SCN1A: variants seen among roughly 807,000 people sequenced by gnomAD.
SCN1A encodes sodium voltage-gated channel alpha subunit 1, also known as sodium channel protein type 1 subunit alpha.
Under a neutral mutation model 193.7 loss-of-function variants are expected in SCN1A, and 13 were observed. That is an observed-to-expected ratio of 0.07 (90% CI 0.04 to 0.11). The LOEUF is 0.11. Among genes scored for constraint, SCN1A ranks in the 10% least tolerant of loss-of-function variants. The pLI, the probability that SCN1A is intolerant of heterozygous loss-of-function variation, is 1.00. For synonymous variants in SCN1A, 781 were observed against 843.6 expected (o/e 0.93, Z 1.29); for missense variants, 1,432 against 2,451.1 (o/e 0.58, Z 8.78).
intron 2 of SCN1A, among the ~76,000 whole-genome samples, chr2:166,101,495 A>C (rs1214582312): frequency 1.3e-5 from 1 of 77,522 alleles, no homozygotes; most frequent in African/African-American, 4.8e-5. Context: ...TGTACCCTAA[A>C]ACTTAAAGTA....
At chr2:166,026,679 CTTTTTTTTTT>C (rs35750460) in intron 19 of SCN1A, among the ~76,000 whole-genome samples, 1 of 97,712 alleles carries the variant, frequency 1.0e-5, no homozygotes. Context: ...TTCTTTCTTT[CTTTTTTTTTT>C]TTTTTTTTTT....
At chr2:165,995,013 C>T (rs1689824707) in intron 27 of SCN1A, among the ~76,000 whole-genome samples, 1 of 151,742 alleles carries the variant, frequency 6.6e-6, no homozygotes, top group East Asian at 1.9e-4. Flanking sequence ...ATAATGAGAC[C>T]AGAATGACAT....
intron 2 of SCN1A, among the ~76,000 whole-genome samples, chr2:166,093,332 G>A (rs1023446604): frequency 2.0e-5 from 3 of 151,570 alleles, no homozygotes. Context: ...ATTTTCAGTT[G>A]AATTCTTCTT....
rs1688577958 is a variant in SCN1A, at chr2:165,985,851, AT to A, written c.*5393del. ...AGAAACACATTTATTTTCTTATATA[AT>A]AAGAAATTCCAGTGCACACATGAAG... On this transcript the variant is annotated 3_prime_UTR_variant, in exon 29 of 29. Coordinates refer to ENST00000674923, the MANE Select transcript of SCN1A (RefSeq NM_001165963.4). The A allele has an allele frequency of 6.6e-6, 1 of 152,166 alleles. No homozygotes were observed. The highest frequency in any genetic ancestry group is 1.5e-5 in the Non-Finnish European group (1 of 68,006). The allele number at this position is 152,166 out of a possible 1,614,324, so 9.4% of individuals were successfully genotyped here. A position where few individuals can be genotyped will look rare whatever the true frequency, so the allele number is the denominator to read the frequency against.
At chr2:166,062,353 G>A (rs1004518211) in intron 4 of SCN1A, among the ~76,000 whole-genome samples, 29 of 152,100 alleles carry the variant, frequency 1.9e-4, no homozygotes, top group Admixed American at 1.9e-3. Context: ...GTTCCATTTA[G>A]AATGTCAGTC....
chr2:166,118,319 T>TTTTTTTTTTTTTTTTTTTTTTTTC (rs1690132658), intron 2 of SCN1A, among the ~76,000 whole-genome samples: 1 of 133,488 alleles, frequency 7.5e-6, no homozygotes. Flanking sequence ...TTTTTTTTTT[T>TTTTTTTTTTTTTTTTTTTTTTTTC]TTTTTTTTTT....
intron 2 of SCN1A, chr2:166,123,563 A>G (rs1690877897): frequency 6.6e-6 from 1 of 152,232 alleles, no homozygotes; most frequent in Non-Finnish European, 1.5e-5. Flanking sequence ...ACTGACTGTG[A>G]ACAATCAACT....
At chr2:166,009,957 G>GA in intron 22 of SCN1A, 116 bp from the exon 23 acceptor site, 1 of 946,732 alleles carries the variant, frequency 1.1e-6, no homozygotes. Context: ...TAAATGTTCA[G>GA]ACATTTTCAG....
In SCN1A at chr2:165,987,311, G is replaced by A. The variant is rs1029085347; in HGVS notation, c.*3934C>T. Reference sequence around the variant, plus strand: ...GATATCTTTGAAGGTATTGTCTGCTGTATTTCTCCAAAGTATACTTTCTTC... The same window carrying A: ...GATATCTTTGAAGGTATTGTCTGCTATATTTCTCCAAAGTATACTTTCTTC... On this transcript the variant is annotated 3_prime_UTR_variant, in exon 29 of 29. Transcript: ENST00000674923. The A allele has an allele frequency of 4.6e-5, 7 of 152,084 alleles. No homozygotes were observed. Among genetic ancestry groups the A allele is most frequent in the Admixed American group, 3.9e-4 (6 of 15,252 alleles). 9.4% of individuals were successfully genotyped at this position (152,084 alleles called of 1,614,324 possible).
intron 19 of SCN1A, among the ~76,000 whole-genome samples, chr2:166,017,444 C>T (rs1693454151): frequency 6.6e-6 from 1 of 152,040 alleles, no homozygotes; most frequent in South Asian, 2.1e-4. Context: ...CATAACATCA[C>T]ATGATCTTCT....
intron 2 of SCN1A, among the ~76,000 whole-genome samples, chr2:166,115,876 T>C (rs961875044): frequency 1.3e-5 from 2 of 151,990 alleles, no homozygotes; most frequent in African/African-American, 4.8e-5. Flanking sequence ...TAAAGTGCAG[T>C]GGGAGAGATG....
At position 166,047,606 on chromosome 2, in the gene SCN1A, G is replaced by A. The variant is rs1272627646; in HGVS notation, c.1170+21C>T. On this transcript the variant is annotated intron_variant, in intron 11 of 28. Coordinates refer to ENST00000674923, the MANE Select transcript of SCN1A (RefSeq NM_001165963.4). ...TTGTATACTTTTACTTAAATGGAGA[G>A]TGTGGCTCTTTAGTTCTCACCAGTT... 12 of 1,612,352 alleles carry A rather than the reference G, an allele frequency of 7.4e-6. 1 individual carries two copies. In the East Asian group the frequency reaches 1.6e-4, roughly 21 times the overall value.
intron 2 of SCN1A, among the ~76,000 whole-genome samples, chr2:166,110,797 C>A (rs13034850): frequency 6.6e-6 from 1 of 152,068 alleles, no homozygotes. Context: ...TGGGAGGAAC[C>A]CAGTGGGAGG....
At chr2:166,128,524 A>G (rs989382195), upstream of SCN1A, among the ~76,000 whole-genome samples, 2 of 152,158 alleles carry the variant, frequency 1.3e-5, no homozygotes, top group Non-Finnish European at 2.9e-5. Context: ...ATTATAGTGA[A>G]CAGCTCAGAG....
At chr2:166,087,964 T>G (rs1274534705) in intron 2 of SCN1A, among the ~76,000 whole-genome samples, 1 of 152,190 alleles carries the variant, frequency 6.6e-6, no homozygotes, top group Non-Finnish European at 1.5e-5. Context: ...GATTCATTTT[T>G]TTAAGTCCCA....
chr2:166,022,386 G>C (rs931491221), intron 19 of SCN1A, among the ~76,000 whole-genome samples: 6 of 149,400 alleles, frequency 4.0e-5, no homozygotes, highest in Non-Finnish European at 7.4e-5. Flanking sequence ...CTAGTAACTA[G>C]GTGGGGGGCG....
chr2:166,143,602 C>T (rs533305474), intron 1 of SCN1A, among the ~76,000 whole-genome samples: 102 of 152,208 alleles, frequency 6.7e-4, no homozygotes, highest in Admixed American at 1.1e-3. Context: ...TCCAAAATGG[C>T]GCTATTAAAT....
intron 2 of SCN1A, among the ~76,000 whole-genome samples, chr2:166,122,791 A>C (rs183920207): frequency 1.3e-5 from 2 of 152,326 alleles, no homozygotes; most frequent in Non-Finnish European, 2.9e-5. Flanking sequence ...AAATAATAGA[A>C]GTAAATTTTT....
chr2:166,120,118 A>T (rs1292712329), intron 2 of SCN1A, among the ~76,000 whole-genome samples: 6 of 151,442 alleles, frequency 4.0e-5, no homozygotes, highest in Non-Finnish European at 8.8e-5. Context: ...TTTATGTATT[A>T]CTTTTGTCAT....
Sources: allele counts gnomAD v4.1 joint callset (sites outside exome capture counted in the v4.1 genomes callset), GRCh38; gene constraint gnomAD v4.1.1; transcripts MANE v1.5; gene names NCBI Gene and HGNC (gene_info 2026-07-23, HGNC 2026-07-21).